The following PTPRM variants were observed in gnomAD, a reference collection of about 807,000 sequenced individuals.
PTPRM encodes the protein protein tyrosine phosphatase receptor type M.
In PTPRM, 47 loss-of-function variants were observed where a neutral mutation model predicts 186.7. The ratio of observed to expected loss-of-function variants is 0.25; its 90% CI spans 0.20 to 0.32. The LOEUF (loss-of-function observed/expected upper bound fraction) is 0.32. Ranked by LOEUF, PTPRM falls within the 10% of genes least tolerant of loss-of-function variation. The pLI, the probability that PTPRM is intolerant of heterozygous loss-of-function variation, is 1.00. For synonymous variants in PTPRM, 668 were observed against 674.9 expected, an observed-to-expected ratio of 0.99 and a Z score of 0.16; for missense variants, 1,494 against 1,865.0, an observed-to-expected ratio of 0.80 and a Z score of 3.66.
At chr18:7,603,700 C>T (rs768312875) in intron 1 of PTPRM, among the ~76,000 whole-genome samples, 7 of 152,234 alleles carry the variant, frequency 4.6e-5, no homozygotes, top group Non-Finnish European at 8.8e-5. Context: ...AATGGGCAAA[C>T]CTCCTGCTCT....
At chr18:8,149,919 G>A (rs1020955183) in intron 14 of PTPRM, among the ~76,000 whole-genome samples, 3 of 152,086 alleles carry the variant, frequency 2.0e-5, no homozygotes, top group Middle Eastern at 3.2e-3. Context: ...TTAGTTTGGC[G>A]GGATGTGAAA....
At chr18:8,094,841 C>A (rs1025832115) in intron 11 of PTPRM, among the ~76,000 whole-genome samples, 1 of 152,026 alleles carries the variant, frequency 6.6e-6, no homozygotes, top group African/African-American at 2.4e-5. Flanking sequence ...AAATTATGGG[C>A]CTAATTTTTA....
At chr18:7,669,877 C>T (rs1275627928) in intron 1 of PTPRM, among the ~76,000 whole-genome samples, 1 of 152,114 alleles carries the variant, frequency 6.6e-6, no homozygotes, top group Non-Finnish European at 1.5e-5. Context: ...CACCTGCCAC[C>T]AAGCCCGGCT....
chr18:8,107,533 A>T (rs1370685177), intron 11 of PTPRM, among the ~76,000 whole-genome samples: 1 of 152,190 alleles, frequency 6.6e-6, no homozygotes, highest in Admixed American at 6.5e-5. Context: ...TATTGAACCG[A>T]GTATGGGAGC....
chr18:7,949,164 C>A lies in PTPRM; in HGVS notation c.664-17C>A. On this transcript the variant is annotated splice_polypyrimidine_tract_variant and intron_variant, in intron 5 of 32. Coordinates refer to ENST00000580170, the MANE Select transcript of PTPRM (RefSeq NM_001105244.2). ...TTATATTGCTTCTTTTTGTCCTCCCCACCCCACTTGATACAGGGCATTGAT... is the reference window on the plus strand; with the variant it reads ...TTATATTGCTTCTTTTTGTCCTCCCAACCCCACTTGATACAGGGCATTGAT... The A allele has an allele frequency of 6.3e-7, 1 of 1,575,346 alleles. No homozygotes were observed. The highest frequency in any genetic ancestry group is 8.7e-7 in the Non-Finnish European group (1 of 1,148,758).
intron 14 of PTPRM, among the ~76,000 whole-genome samples, 155 bp from the exon 15 acceptor site, chr18:8,243,903 C>T (rs185405934): frequency 6.6e-6 from 1 of 152,238 alleles, no homozygotes; most frequent in African/African-American, 2.4e-5. Flanking sequence ...TGCAGCCTGG[C>T]AGAGTGCTTG....
chr18:7,737,510 G>A (rs1325400935), intron 1 of PTPRM, among the ~76,000 whole-genome samples: 2 of 152,218 alleles, frequency 1.3e-5, no homozygotes, highest in Non-Finnish European at 2.9e-5. Context: ...ATGTAATAAG[G>A]TGTAGTTTGT....
chr18:8,173,833 C>G (rs1568464673), intron 14 of PTPRM, among the ~76,000 whole-genome samples: 1 of 152,072 alleles, frequency 6.6e-6, no homozygotes, highest in Non-Finnish European at 1.5e-5. Flanking sequence ...CTCTGGGAGG[C>G]CGAGGTGGGT....
At chr18:8,180,772 C>G (rs1373692838) in intron 14 of PTPRM, among the ~76,000 whole-genome samples, 2 of 152,202 alleles carry the variant, frequency 1.3e-5, no homozygotes, top group Non-Finnish European at 2.9e-5. Context: ...CCCACTTGCC[C>G]AAATCCTGAG....
chr18:7,600,970 T>C (rs2037386679), intron 1 of PTPRM, among the ~76,000 whole-genome samples: 1 of 152,196 alleles, frequency 6.6e-6, no homozygotes, highest in Admixed American at 6.5e-5. Context: ...CCTGAATTCA[T>C]GCTTGGAGAA....
At chr18:7,628,263 AC>A (rs1178209958) in intron 1 of PTPRM, among the ~76,000 whole-genome samples, 1 of 152,210 alleles carries the variant, frequency 6.6e-6, no homozygotes, top group African/African-American at 2.4e-5. Flanking sequence ...TGAAGCATTC[AC>A]TATTTTTCAC....
chr18:7,617,914 G>A (rs1273453760), intron 1 of PTPRM, among the ~76,000 whole-genome samples: 1 of 152,114 alleles, frequency 6.6e-6, no homozygotes, highest in Non-Finnish European at 1.5e-5. Flanking sequence ...TGGACTTTCG[G>A]TTTTGTGTGA....
At chr18:8,346,246 A>G (rs2148287894) in intron 23 of PTPRM, among the ~76,000 whole-genome samples, 1 of 152,290 alleles carries the variant, frequency 6.6e-6, no homozygotes, top group Non-Finnish European at 1.5e-5. Context: ...TTGGGCTGCC[A>G]TAACCAAATG....
At chr18:7,576,622 C>A (rs555354941) in intron 1 of PTPRM, among the ~76,000 whole-genome samples, 2 of 152,242 alleles carry the variant, frequency 1.3e-5, no homozygotes, top group East Asian at 3.9e-4. Context: ...TCCATAGGCA[C>A]AAGCCACCAT....
At chr18:8,201,051 C>G (rs769676856) in intron 14 of PTPRM, among the ~76,000 whole-genome samples, 1 of 152,174 alleles carries the variant, frequency 6.6e-6, no homozygotes, top group Non-Finnish European at 1.5e-5. Flanking sequence ...CACGATGGCT[C>G]CCGCCTGTAA....
chr18:7,596,884 T>TTC (rs368868882), intron 1 of PTPRM, among the ~76,000 whole-genome samples: 17 of 152,180 alleles, frequency 1.1e-4, no homozygotes, highest in African/African-American at 3.9e-4. Context: ...TTCAGACAGT[T>TTC]TCTCTGTCAC....
At chr18:7,787,135 A>G (rs1568129726) in intron 2 of PTPRM, among the ~76,000 whole-genome samples, 2 of 152,228 alleles carry the variant, frequency 1.3e-5, no homozygotes, top group Non-Finnish European at 2.9e-5. Flanking sequence ...AGCATTCACC[A>G]TAATGTATTT....
At chr18:8,111,612 C>CCA (rs2091760171) in intron 11 of PTPRM, among the ~76,000 whole-genome samples, 1 of 146,912 alleles carries the variant, frequency 6.8e-6, no homozygotes. Flanking sequence ...GACTCCATCT[C>CCA]AAAAAAAAAA....
At chr18:8,269,014 G>A (rs370321546) in intron 19 of PTPRM, among the ~76,000 whole-genome samples, 9 of 151,878 alleles carry the variant, frequency 5.9e-5, no homozygotes, top group Admixed American at 5.9e-4. Flanking sequence ...AGACAAAGGT[G>A]CCCACTCTCA....
Sources: gnomAD v4.1 joint callset for allele counts (sites outside exome capture counted in the v4.1 genomes callset) on GRCh38, gnomAD v4.1.1 for gene constraint, MANE v1.5 for transcripts, NCBI Gene and HGNC (gene_info 2026-07-23, HGNC 2026-07-21) for gene names.